The following CATSPERT variants were observed in gnomAD, a reference collection of about 807,000 sequenced individuals.
The protein encoded by CATSPERT is cation channel sperm-associated targeting subunit tau.
At chr2:201,585,558 G>A in the CATSPERT span, among the ~76,000 whole-genome samples, 8 of 152,040 alleles carry the variant, frequency 5.3e-5, no homozygotes, top group African/African-American at 1.9e-4. Flanking sequence ...TGGCAAATAT[G>A]TAGGTAAACT....
At chr2:201,501,425 A>T in the CATSPERT span, among the ~76,000 whole-genome samples, 1 of 148,100 alleles carries the variant, frequency 6.8e-6, no homozygotes, top group African/African-American at 2.5e-5. Context: ...AAAAAGAAAG[A>T]TCTCAAATTA....
chr2:201,605,139 C>T, the CATSPERT span, among the ~76,000 whole-genome samples: 1 of 151,812 alleles, frequency 6.6e-6, no homozygotes, highest in African/African-American at 2.4e-5. Flanking sequence ...TGCACATGCA[C>T]ACACACACTA....
At chr2:201,571,113 G>A in the CATSPERT span, among the ~76,000 whole-genome samples, 5 of 152,148 alleles carry the variant, frequency 3.3e-5, no homozygotes, top group Non-Finnish European at 7.4e-5. Context: ...GCCATGACTT[G>A]GGGATATAGC....
the CATSPERT span, among the ~76,000 whole-genome samples, chr2:201,500,178 T>C: frequency 6.6e-6 from 1 of 151,958 alleles, no homozygotes; most frequent in Non-Finnish European, 1.5e-5. Flanking sequence ...TAATTGGAAG[T>C]TGTTGAGAGA....
chr2:201,491,490 G>A, the CATSPERT span: 1 of 1,536,046 alleles, frequency 6.5e-7, no homozygotes, highest in Non-Finnish European at 8.7e-7. Context: ...TTTCTTTTTT[G>A]TATTGTGCAA....
the CATSPERT span, among the ~76,000 whole-genome samples, chr2:201,618,504 G>T: frequency 2.9e-5 from 4 of 137,942 alleles, no homozygotes; most frequent in Admixed American, 7.9e-5. Flanking sequence ...GGTGGGAATT[G>T]AACAATGAGA....
the CATSPERT span, among the ~76,000 whole-genome samples, chr2:201,513,911 T>G: frequency 1.3e-5 from 2 of 152,168 alleles, no homozygotes; most frequent in Middle Eastern, 3.2e-3. Flanking sequence ...TAGAAAATCT[T>G]CAAATGTTAG....
chr2:201,517,668 G>T, the CATSPERT span, among the ~76,000 whole-genome samples: 2 of 152,188 alleles, frequency 1.3e-5, no homozygotes, highest in African/African-American at 4.8e-5. Context: ...CCCCCAAAGG[G>T]GTAACTGCCA....
chr2:201,543,987 A>T, the CATSPERT span, among the ~76,000 whole-genome samples: 16 of 152,004 alleles, frequency 1.1e-4, no homozygotes, highest in Middle Eastern at 3.4e-3. Context: ...TAGGTATATC[A>T]CCTAATGCTA....
chr2:201,545,014 A>AT, the CATSPERT span, among the ~76,000 whole-genome samples: 2 of 150,986 alleles, frequency 1.3e-5, no homozygotes, highest in Non-Finnish European at 3.0e-5. Flanking sequence ...AATAATAATA[A>AT]AATTTAAAAA....
the CATSPERT span, chr2:201,555,305 A>G: frequency 3.3e-5 from 5 of 152,232 alleles, no homozygotes; most frequent in African/African-American, 9.7e-5. Context: ...ACTTGAGGCC[A>G]GGAGTTCAAG....
the CATSPERT span, chr2:201,550,269 T>A: frequency 1.3e-5 from 2 of 152,226 alleles, no homozygotes; most frequent in African/African-American, 2.4e-5. Context: ...GAATTAGTGC[T>A]GCAAAAACTG....
At chr2:201,545,371 A>T in the CATSPERT span, among the ~76,000 whole-genome samples, 1 of 152,040 alleles carries the variant, frequency 6.6e-6, no homozygotes, top group East Asian at 1.9e-4. Context: ...AGGGTCTAAC[A>T]CTTTTCTTTA....
chr2:201,575,324 T>G, the CATSPERT span: 1 of 1,589,824 alleles, frequency 6.3e-7, no homozygotes, highest in African/African-American at 1.4e-5. Context: ...TGAAGCACCC[T>G]TTCTAGAAAA....
the CATSPERT span, among the ~76,000 whole-genome samples, chr2:201,540,212 G>C: frequency 6.6e-6 from 1 of 152,236 alleles, no homozygotes; most frequent in Admixed American, 6.5e-5. Flanking sequence ...ACACAAAAGT[G>C]CAAGGTAAAG....
At chr2:201,603,228 A>G in the CATSPERT span, 1 of 1,611,530 alleles carries the variant, frequency 6.2e-7, no homozygotes, top group Non-Finnish European at 8.5e-7. Flanking sequence ...GGATACTCTT[A>G]GGCATAAAAT....
chr2:201,571,322 T>C, the CATSPERT span, among the ~76,000 whole-genome samples: 1 of 152,186 alleles, frequency 6.6e-6, no homozygotes, highest in Non-Finnish European at 1.5e-5. Flanking sequence ...ATTCCCTCAA[T>C]CCCATTTCAG....
chr2:201,545,913 A>C, the CATSPERT span, among the ~76,000 whole-genome samples: 1 of 152,154 alleles, frequency 6.6e-6, no homozygotes, highest in Admixed American at 6.5e-5. Context: ...GAATATTACA[A>C]GATAAATTAC....
the CATSPERT span, among the ~76,000 whole-genome samples, chr2:201,614,049 T>C: frequency 6.6e-6 from 1 of 152,110 alleles, no homozygotes; most frequent in Non-Finnish European, 1.5e-5. Flanking sequence ...CCAAGAAATA[T>C]GGGACTACGT....
Sources: allele counts gnomAD v4.1 joint callset (sites outside exome capture counted in the v4.1 genomes callset), GRCh38; gene constraint gnomAD v4.1.1; transcripts MANE v1.5; gene names NCBI Gene and HGNC (gene_info 2026-07-23, HGNC 2026-07-21).